Variants in ATOSA observed in about 807,000 individuals in gnomAD.
The protein encoded by ATOSA is atos homolog A.
chr15:52,660,901 G>A, the ATOSA span, among the ~76,000 whole-genome samples: 4 of 152,110 alleles, frequency 2.6e-5, no homozygotes, highest in East Asian at 3.9e-4. Flanking sequence ...TGATCCACCC[G>A]CCTTGGTCTC....
At chr15:52,587,128 A>G in the ATOSA span, 1 of 1,612,718 alleles carries the variant, frequency 6.2e-7, no homozygotes, top group Non-Finnish European at 8.5e-7. Context: ...GATTATTGCA[A>G]TTGTAGGCTA....
chr15:52,632,816 G>A, the ATOSA span, among the ~76,000 whole-genome samples: 1 of 152,014 alleles, frequency 6.6e-6, no homozygotes, highest in African/African-American at 2.4e-5. Context: ...TTTTATTCAA[G>A]GAATGCCATG....
At chr15:52,693,789 C>T in the ATOSA span, among the ~76,000 whole-genome samples, 1 of 152,154 alleles carries the variant, frequency 6.6e-6, no homozygotes, top group Non-Finnish European at 1.5e-5. Flanking sequence ...ACTAGAATTA[C>T]ACTTGGCACA....
the ATOSA span, chr15:52,610,167 C>T: frequency 1.2e-6 from 2 of 1,613,950 alleles, no homozygotes; most frequent in East Asian, 4.5e-5. Context: ...GGTTATGGTG[C>T]TGATGAGTTT....
the ATOSA span, among the ~76,000 whole-genome samples, chr15:52,693,281 A>G: frequency 5.3e-5 from 8 of 152,108 alleles, no homozygotes; most frequent in African/African-American, 1.9e-4. Flanking sequence ...TTAGCTAGGC[A>G]TGGTGGTGCA....
chr15:52,702,094 G>T, the ATOSA span, among the ~76,000 whole-genome samples: 2 of 152,172 alleles, frequency 1.3e-5, no homozygotes, highest in East Asian at 3.9e-4. Context: ...AGTCCGAATG[G>T]CTATAAAAAA....
At chr15:52,606,955 T>G in the ATOSA span, among the ~76,000 whole-genome samples, 1 of 152,160 alleles carries the variant, frequency 6.6e-6, no homozygotes, top group Admixed American at 6.5e-5. Flanking sequence ...AGCCTAATGA[T>G]TTTTAGAAAT....
At chr15:52,703,146 G>C in the ATOSA span, among the ~76,000 whole-genome samples, 5 of 152,132 alleles carry the variant, frequency 3.3e-5, no homozygotes, top group African/African-American at 4.8e-5. Flanking sequence ...AAAGAAACCA[G>C]ATAAAAGAGT....
chr15:52,583,293 C>T, the ATOSA span, among the ~76,000 whole-genome samples: 1 of 152,216 alleles, frequency 6.6e-6, no homozygotes, highest in Non-Finnish European at 1.5e-5. Context: ...GGTTGTTAAA[C>T]TTCAAGAGGA....
At chr15:52,647,727 A>G in the ATOSA span, among the ~76,000 whole-genome samples, 1 of 152,220 alleles carries the variant, frequency 6.6e-6, no homozygotes, top group Admixed American at 6.5e-5. Flanking sequence ...TGGGGGTGTC[A>G]GTACACACGA....
At chr15:52,637,579 T>G in the ATOSA span, among the ~76,000 whole-genome samples, 1 of 152,224 alleles carries the variant, frequency 6.6e-6, no homozygotes, top group African/African-American at 2.4e-5. Flanking sequence ...ATCATCTCTT[T>G]CACTGGTCTC....
the ATOSA span, among the ~76,000 whole-genome samples, chr15:52,588,453 T>C: frequency 0.05 from 7,576 of 152,192 alleles, 346 homozygotes; most frequent in East Asian, 0.25. Context: ...ATTATTATTA[T>C]TTTGAGATGC....
the ATOSA span, among the ~76,000 whole-genome samples, chr15:52,655,302 C>A: frequency 6.6e-6 from 1 of 152,088 alleles, no homozygotes; most frequent in South Asian, 2.1e-4. Context: ...ACAACGACAG[C>A]CTCATTATAC....
At chr15:52,691,893 TC>T in the ATOSA span, among the ~76,000 whole-genome samples, 1 of 151,442 alleles carries the variant, frequency 6.6e-6, no homozygotes, top group Non-Finnish European at 1.5e-5. Flanking sequence ...GAGTCAAAGA[TC>T]CACTCCAAAA....
At chr15:52,704,082 A>T in the ATOSA span, among the ~76,000 whole-genome samples, 1 of 152,170 alleles carries the variant, frequency 6.6e-6, no homozygotes, top group Non-Finnish European at 1.5e-5. Flanking sequence ...AAAAAGAAAA[A>T]TAGGAAGGAC....
At chr15:52,582,448 T>C in the ATOSA span, 7 of 690,366 alleles carry the variant, frequency 1.0e-5, no homozygotes, top group Non-Finnish European at 1.6e-5. Flanking sequence ...ATATTTAAGA[T>C]CTTTCTAAAG....
At chr15:52,585,623 C>A in the ATOSA span, among the ~76,000 whole-genome samples, 1 of 152,076 alleles carries the variant, frequency 6.6e-6, no homozygotes, top group African/African-American at 2.4e-5. Flanking sequence ...GCAACACTAG[C>A]CCTTAAAAAA....
chr15:52,645,967 T>C, the ATOSA span, among the ~76,000 whole-genome samples: 4 of 152,308 alleles, frequency 2.6e-5, no homozygotes, highest in East Asian at 1.9e-4. Flanking sequence ...GCTGTTTTTT[T>C]CCCCCAGCTT....
At chr15:52,636,442 T>A in the ATOSA span, among the ~76,000 whole-genome samples, 3 of 152,116 alleles carry the variant, frequency 2.0e-5, no homozygotes, top group African/African-American at 7.2e-5. Context: ...AGGAGGTAAT[T>A]AAGATCAAAT....
Sources: allele counts gnomAD v4.1 joint callset (sites outside exome capture counted in the v4.1 genomes callset), GRCh38; gene constraint gnomAD v4.1.1; transcripts MANE v1.5; gene names NCBI Gene and HGNC (gene_info 2026-07-23, HGNC 2026-07-21).